TSPOAP1: variants seen among roughly 807,000 people sequenced by gnomAD.
TSPOAP1 encodes the protein peripheral-type benzodiazepine receptor-associated protein 1.
A neutral mutation model predicts 197.0 loss-of-function variants in TSPOAP1; 87 were observed. That is an observed-to-expected ratio of 0.44 (90% CI 0.37 to 0.53). TSPOAP1 has a LOEUF of 0.53. Ranked by LOEUF, TSPOAP1 falls within the 20% of genes least tolerant of loss-of-function variation. TSPOAP1 has a pLI of 0.00. For missense variants in TSPOAP1, 2,174 were observed against 2,411.3 expected, an observed-to-expected ratio of 0.90 and a Z score of 2.06; for synonymous variants, 913 against 998.9, an observed-to-expected ratio of 0.91 and a Z score of 1.62.
Position 58,327,605 on chromosome 17 carries a change from C to T in TSPOAP1, c.316G>A (p.Val106Met), listed in dbSNP as rs576486948. The change falls in exon 1 of 32, where the codon GTG becomes ATG. Residue 106 changes from valine to methionine, a missense_variant. Coordinates refer to ENST00000343736, the MANE Select transcript of TSPOAP1 (RefSeq NM_004758.4). ...TCCCTTACCTTCAGGAAAGCCTCCA[C>T]TTCCTCATCCTCTGGCCTCTGGCAG... ...PACQRPEDEE[V>M]EAFLKAKLNM... 1 of 1,612,370 alleles carries T rather than the reference C, an allele frequency of 6.2e-7. No individual in the cohort carries two copies. Among genetic ancestry groups the T allele is most frequent in the African/African-American group, 1.3e-5 (1 of 75,020 alleles).
rs375185108 is a variant in TSPOAP1, at chr17:58,312,304, C to G, written c.2517G>C (p.Ala839=). ...GGTTCTCCAGCACGGCCTTGGGTGGCGCCCCAGGCCCCAGGGCCTGTCGCA... is the reference window on the plus strand; with the variant it reads ...GGTTCTCCAGCACGGCCTTGGGTGGGGCCCCAGGCCCCAGGGCCTGTCGCA... ...GELRQALGPG[A]PPKAVLENLD... is the part of the protein sequence containing the mutation. Residue 839 remains alanine (A), a synonymous_variant, in exon 17 of 32, where the codon GCG becomes GCC. Transcript: ENST00000343736. 1.2e-6 allele frequency: 2 copies of G among 1,612,738 alleles called. No individual in the cohort carries two copies. The highest frequency in any genetic ancestry group is 1.7e-6 in the Non-Finnish European group (2 of 1,179,780).
chr17:58,301,587 C>T lies in TSPOAP1; in HGVS notation c.*893G>A, dbSNP rs984990164. The T allele has an allele frequency of 6.5e-6, 1 of 152,686 alleles. No homozygotes were observed. Among genetic ancestry groups the T allele is most frequent in the African/African-American group, 2.4e-5 (1 of 41,454 alleles). The allele number at this position is 152,686 out of a possible 1,614,324, so 9.5% of individuals were successfully genotyped here. A position where few individuals can be genotyped will look rare whatever the true frequency, so the allele number is the denominator to read the frequency against. ...CAACTCCGCTTTCGGCCCCGCTGGC[C>T]CCAGGGTCTTTGGGGGCGGGACCTT... On this transcript the variant is annotated 3_prime_UTR_variant, in exon 32 of 32. Coordinates refer to ENST00000343736, the MANE Select transcript of TSPOAP1 (RefSeq NM_004758.4).
intron 3 of TSPOAP1, 165 bp from the exon 4 acceptor site, chr17:58,325,878 T>A (rs1418342880): frequency 1.1e-5 from 8 of 714,872 alleles, no homozygotes; most frequent in Non-Finnish European, 1.8e-5. Context: ...CTCTACCCCA[T>A]CCCAGCAGTT....
chr17:58,327,944 C>T lies in TSPOAP1; in HGVS notation c.-24G>A. On this transcript the variant is annotated 5_prime_UTR_variant, in exon 1 of 32. Transcript: ENST00000343736. ...ATGGTACTGCCAAGGGGCCCCAGAA[C>T]CCGGGCCGGGGGACATCACCCAGCC... is the stretch of plus-strand genomic sequence containing the variant. 6.4e-6 allele frequency: 10 copies of T among 1,560,556 alleles called. No homozygotes were observed. The South Asian group carries it at 9.3e-5, about 14-fold the overall frequency.
chr17:58,309,886 G>T lies in TSPOAP1; in HGVS notation c.3891+81C>A. On this transcript the variant is annotated intron_variant, in intron 21 of 31. Transcript: ENST00000343736. The surrounding 1 kb of genome is among the most constrained non-coding windows in gnomAD (Gnocchi z 5.0). ...AGAATGTTTCTGGCACTCAGTGGTG[G>T]TCAGAGCACCTGCTGACACACAGTG... The T allele has an allele frequency of 6.6e-7, 1 of 1,511,412 alleles. No homozygotes were observed. Among genetic ancestry groups the T allele is most frequent in the Non-Finnish European group, 8.9e-7 (1 of 1,120,916 alleles). 93.6% of individuals were successfully genotyped at this position (1,511,412 alleles called of 1,614,324 possible).
Position 58,307,703 on chromosome 17 carries a change from C to T in TSPOAP1, c.4891G>A (p.Val1631Met). The T allele has an allele frequency of 6.2e-7, 1 of 1,614,198 alleles. No homozygotes were observed. The highest frequency in any genetic ancestry group is 1.1e-5 in the South Asian group (1 of 91,088). The change falls in exon 24 of 32, where the codon GTG becomes ATG. Residue 1631 changes from valine to methionine, a missense_variant. Val to Met is a conservative substitution (Grantham distance 21, BLOSUM62 1). Coordinates refer to ENST00000343736, the MANE Select transcript of TSPOAP1 (RefSeq NM_004758.4). The stretch of plus-strand genomic sequence containing the variant: ...ACGGGGTCATAGTCAAACAGAGCCA[C>T]AAAGATCCTGACGGGTAGGTGCTGG... ...AYQHLPVRIF[V>M]ALFDYDPVSM...
At position 58,307,902 on chromosome 17, in the gene TSPOAP1, C is replaced by T; in HGVS notation, c.4771G>A (p.Gly1591Arg). 6.2e-7 allele frequency: 1 copy of T among 1,613,432 alleles called. No homozygotes were observed. Among genetic ancestry groups the T allele is most frequent in the South Asian group, 1.1e-5 (1 of 91,064 alleles). Residue 1591 changes from glycine (G) to arginine (R), a missense_variant, in exon 23 of 32, where the codon GGG (glycine) becomes AGG (arginine). By Grantham distance (125) the Gly-to-Arg change is moderately radical. Around this residue, in one of 5 missense-constraint regions of TSPOAP1, gnomAD observed 1,933 missense variants for 2,139.0 expected, o/e 0.90. Transcript: ENST00000343736. ...TGEARGQDGS[G>R]RRGPQKRGVR... ...CCTCTCTTCTGGGGGCCCCTCCGCC[C>T]AGAGCCGTCCTGCCCTCTGGCCTCT...
At chr17:58,325,850 A>C in intron 3 of TSPOAP1, 137 bp from the exon 4 acceptor site, 1 of 891,726 alleles carries the variant, frequency 1.1e-6, no homozygotes, top group Non-Finnish European at 1.7e-6. Flanking sequence ...CTGGGGTCTC[A>C]GAAAACCAGC....
chr17:58,312,750 G>A, intron 16 of TSPOAP1, 28 bp from the exon 17 acceptor site: 1 of 1,589,796 alleles, frequency 6.3e-7, no homozygotes, highest in Non-Finnish European at 8.6e-7. Context: ...GGAAGGGGCA[G>A]GGCAGGGGAA....
Position 58,318,747 on chromosome 17 carries a change from G to A in TSPOAP1, c.1700-295C>T, listed in dbSNP as rs367864727. ...TCTCAAATCACAGTGACTGTCAAGT[G>A]AGTGGAGCTGGGACCACCGGATCCG... On this transcript the variant is annotated intron_variant, in intron 13 of 31. Coordinates refer to ENST00000343736, the MANE Select transcript of TSPOAP1 (RefSeq NM_004758.4). Among the ~76,000 whole-genome samples, 39 of 152,200 alleles carry A rather than the reference G, an allele frequency of 2.6e-4. No individual in the cohort carries two copies. In the South Asian group the frequency reaches 8.1e-3, roughly 32 times the overall value.
Position 58,328,134 on chromosome 17 carries a change from T to C in TSPOAP1, c.-214A>G. 1.7e-6 allele frequency: 1 copy of C among 586,044 alleles called. No homozygotes were observed. Among genetic ancestry groups the C allele is most frequent in the Non-Finnish European group, 3.0e-6 (1 of 328,898 alleles). 36.3% of individuals were successfully genotyped at this position (586,044 alleles called of 1,614,324 possible). ...GCTGGAGCCAGGGGTATGTGAGCTATGTTTGCTGGTAGCTGTGTGTGTGCG... is the reference window on the plus strand; with the variant it reads ...GCTGGAGCCAGGGGTATGTGAGCTACGTTTGCTGGTAGCTGTGTGTGTGCG... On this transcript the variant is annotated 5_prime_UTR_variant, in exon 1 of 32. Coordinates refer to ENST00000343736, the MANE Select transcript of TSPOAP1 (RefSeq NM_004758.4). This position sits in a 1 kb window ranked among gnomAD's most constrained non-coding sequence, Gnocchi z 4.3.
At chr17:58,302,527 G>C in intron 31 of TSPOAP1, 80 bp from the exon 32 acceptor site, 1 of 1,035,962 alleles carries the variant, frequency 9.7e-7, no homozygotes, top group East Asian at 8.0e-5. Context: ...ACAGCCTAAG[G>C]GGCCTGCAGC....
In TSPOAP1 at chr17:58,322,180, TG is replaced by T; in HGVS notation, c.1422+127del. 1 of 900,226 alleles carries T rather than the reference TG, an allele frequency of 1.1e-6. No homozygotes were observed. The highest frequency in any genetic ancestry group is 1.7e-6 in the Non-Finnish European group (1 of 586,576). 55.8% of individuals were successfully genotyped at this position (900,226 alleles called of 1,614,324 possible). A position where few individuals can be genotyped will look rare whatever the true frequency, so the allele number is the denominator to read the frequency against. The stretch of plus-strand genomic sequence containing the variant: ...CTAATTTGCTGACTGCTCAGGGACC[TG>T]GTCTTTGTTCCCCACAGTCTCCCCG... On this transcript the variant is annotated intron_variant, in intron 10 of 31. Transcript: ENST00000343736. The surrounding 1 kb of genome is among the most constrained non-coding windows in gnomAD (Gnocchi z 5.0).
rs751674014 is a variant in TSPOAP1 at position 58,305,650 on chromosome 17, G to T, written c.5258-7C>A. The stretch of plus-strand genomic sequence containing the variant: ...GGGACCAGCTTAGGGGGGCCTGCAG[G>T]GGGAGTAGGAGAAGACTCTGGACTC... On this transcript the variant is annotated splice_region_variant and splice_polypyrimidine_tract_variant and intron_variant, in intron 27 of 31. Transcript: ENST00000343736. 10 of 1,464,720 alleles carry T rather than the reference G, an allele frequency of 6.8e-6. No individual in the cohort carries two copies. Among genetic ancestry groups the T allele is most frequent in the Non-Finnish European group, 1.9e-6 (2 of 1,078,208 alleles). The allele number at this position is 1,464,720 out of a possible 1,614,324, so 90.7% of individuals were successfully genotyped here. A position where few individuals can be genotyped will look rare whatever the true frequency, so the allele number is the denominator to read the frequency against.
Position 58,304,831 on chromosome 17 carries a change from C to A in TSPOAP1, c.5544+230G>T. ...AGGTGTTGGCAGCTGGCGAGATGGC[C>A]TGAGGGTCAGGGTCACAGCTATCAT... On this transcript the variant is annotated intron_variant, in intron 30 of 31. Coordinates refer to ENST00000343736, the MANE Select transcript of TSPOAP1 (RefSeq NM_004758.4). This position sits in a 1 kb window ranked among gnomAD's most constrained non-coding sequence, Gnocchi z 4.2. The A allele has an allele frequency of 1.6e-6, 1 of 644,742 alleles. No homozygotes were observed. The highest frequency in any genetic ancestry group is 1.7e-5 in the South Asian group (1 of 59,860). 39.9% of individuals were successfully genotyped at this position (644,742 alleles called of 1,614,324 possible).
At chr17:58,325,349 C>T in intron 4 of TSPOAP1, 185 bp downstream of exon 4, 1 of 749,262 alleles carries the variant, frequency 1.3e-6, no homozygotes, top group Admixed American at 2.5e-5. Flanking sequence ...ATGCCCAGGT[C>T]TGGGACTCAT....
Position 58,312,182 on chromosome 17 carries a change from C to T in TSPOAP1, c.2639G>A (p.Arg880Gln), listed in dbSNP as rs557342982. The T allele has an allele frequency of 7.1e-5, 115 of 1,612,886 alleles. No homozygotes were observed. Among genetic ancestry groups the T allele is most frequent in the Non-Finnish European group, 9.1e-5 (107 of 1,179,932 alleles). ...CAGCTGGCTGGGCACCACTCCGGCC[C>T]GGGCACCCACCGCCAAGCAACAGCG... ...PLRCCLAVGARAGVVPSQLRV... is the reference protein window; with the variant it reads ...PLRCCLAVGAQAGVVPSQLRV... Residue 880 changes from arginine (R) to glutamine (Q), a missense_variant, in exon 17 of 32, where the codon CGG becomes CAG. By Grantham distance (43) the Arg-to-Gln change is conservative. Transcript: ENST00000343736.
rs1971011994 is a variant in TSPOAP1, at chr17:58,309,395, G to A, written c.3892-15C>T. ...TCGGGCTGGGACTGGTGGAGGTGGG[G>A]AGGTGGGAGTAGAACACAGCAGGGA... On this transcript the variant is annotated splice_polypyrimidine_tract_variant and intron_variant, in intron 21 of 31. Transcript: ENST00000343736. The surrounding 1 kb of genome is among the most constrained non-coding windows in gnomAD (Gnocchi z 5.0). The A allele has an allele frequency of 2.5e-6, 4 of 1,598,750 alleles. No homozygotes were observed. Among genetic ancestry groups the A allele is most frequent in the Non-Finnish European group, 3.4e-6 (4 of 1,174,452 alleles).
chr17:58,324,894 T>A lies in TSPOAP1; in HGVS notation c.859A>T (p.Thr287Ser). The A allele has an allele frequency of 6.5e-7, 1 of 1,532,808 alleles. No homozygotes were observed. The highest frequency in any genetic ancestry group is 8.7e-7 in the Non-Finnish European group (1 of 1,144,542). The allele number at this position is 1,532,808 out of a possible 1,614,324, so 95.0% of individuals were successfully genotyped here. A position where few individuals can be genotyped will look rare whatever the true frequency, so the allele number is the denominator to read the frequency against. Reference protein sequence around the residue: ...RQIALRNQRETLPLPPSWPPG... With the variant: ...RQIALRNQRESLPLPPSWPPG... The stretch of plus-strand genomic sequence containing the variant: ...GGCCAGGACGGCGGGAGCGGGAGCG[T>A]CTCCCGCTGGTTGCGCAGCGCGATC... Residue 287 changes from threonine to serine, a missense_variant, in exon 5 of 32, where the codon ACG (threonine) becomes TCG (serine). Thr to Ser is a moderately conservative substitution (Grantham distance 58, BLOSUM62 1). Transcript: ENST00000343736. The surrounding 1 kb of genome is among the most constrained non-coding windows in gnomAD (Gnocchi z 5.8).
Sources: gnomAD v4.1 joint callset for allele counts (sites outside exome capture counted in the v4.1 genomes callset) on GRCh38, gnomAD v4.1.1 for gene constraint, gnomAD v4.1.1 regional missense constraint, Gnocchi (gnomAD v3.1) non-coding constraint, MANE v1.5 for transcripts, NCBI Gene and HGNC (gene_info 2026-07-23, HGNC 2026-07-21) for gene names.